Variants in CNTN5 observed in about 807,000 individuals in gnomAD.
CNTN5 encodes contactin-5.
In CNTN5, 77 loss-of-function variants were observed where a neutral mutation model predicts 129.1. The observed-to-expected ratio is 0.60, with a 90% confidence interval of 0.50 to 0.72. CNTN5 has a LOEUF of 0.72. Among genes scored for constraint, CNTN5 ranks in the 30% least tolerant of loss-of-function variants. The pLI, the probability that CNTN5 is intolerant of heterozygous loss-of-function variation, is 0.00. For missense variants in CNTN5, 1,478 were observed against 1,328.8 expected (o/e 1.11, Z -1.75); for synonymous variants, 509 against 465.6 (o/e 1.09, Z -1.20).
intron 7 of CNTN5, among the ~76,000 whole-genome samples, chr11:99,954,140 G>A (rs1247511449): frequency 1.3e-5 from 2 of 152,066 alleles, no homozygotes; most frequent in African/African-American, 2.4e-5. Flanking sequence ...GAACTTAAAG[G>A]ATAATAATAA....
chr11:100,085,056 T>C (rs1309569066), intron 13 of CNTN5, among the ~76,000 whole-genome samples: 1 of 151,838 alleles, frequency 6.6e-6, no homozygotes. Context: ...AAGAGAGGGG[T>C]GGTGGGATAT....
intron 16 of CNTN5, among the ~76,000 whole-genome samples, chr11:100,250,329 A>T (rs927695084): frequency 8.5e-5 from 13 of 152,124 alleles, no homozygotes; most frequent in African/African-American, 1.2e-4. Flanking sequence ...GTTATACAAC[A>T]TTCCACACTC....
At chr11:99,676,088 A>G (rs960394010) in intron 3 of CNTN5, among the ~76,000 whole-genome samples, 11 of 152,170 alleles carry the variant, frequency 7.2e-5, no homozygotes, top group Non-Finnish European at 1.5e-5. Flanking sequence ...ATGTAAAACT[A>G]TGAAGTGTCC....
At chr11:99,230,192 A>G (rs1171360264) in intron 1 of CNTN5, among the ~76,000 whole-genome samples, 1 of 152,030 alleles carries the variant, frequency 6.6e-6, no homozygotes, top group Non-Finnish European at 1.5e-5. Context: ...TATTTTTTAT[A>G]TAATTAGAAA....
intron 13 of CNTN5, among the ~76,000 whole-genome samples, chr11:100,153,776 T>C (rs1947141522): frequency 6.6e-6 from 1 of 152,076 alleles, no homozygotes; most frequent in Admixed American, 6.6e-5. Flanking sequence ...AGCTAACAAA[T>C]AATTTGATGA....
intron 1 of CNTN5, among the ~76,000 whole-genome samples, chr11:99,214,667 C>G (rs1263374810): frequency 6.6e-6 from 1 of 151,924 alleles, no homozygotes; most frequent in Non-Finnish European, 1.5e-5. Context: ...TGGCTCTTAA[C>G]CAATCTGGTG....
At chr11:100,182,213 A>C (rs779743484) in intron 13 of CNTN5, among the ~76,000 whole-genome samples, 1 of 152,044 alleles carries the variant, frequency 6.6e-6, no homozygotes, top group Non-Finnish European at 1.5e-5. Flanking sequence ...ACAGTGTTTT[A>C]GTTTGGGCAG....
intron 3 of CNTN5, among the ~76,000 whole-genome samples, chr11:99,642,730 A>G (rs964636614): frequency 2.0e-5 from 3 of 152,152 alleles, no homozygotes; most frequent in African/African-American, 7.2e-5. Context: ...GTACACATTG[A>G]CCAACCTTTC....
chr11:99,575,839 A>G (rs557285536), intron 3 of CNTN5, among the ~76,000 whole-genome samples: 199 of 152,304 alleles, frequency 1.3e-3, no homozygotes, highest in African/African-American at 4.5e-3. Context: ...AGCTGGGAGA[A>G]GAGCACCAGC....
At chr11:99,731,566 C>G (rs1943536192) in intron 3 of CNTN5, among the ~76,000 whole-genome samples, 1 of 152,072 alleles carries the variant, frequency 6.6e-6, no homozygotes, top group African/African-American at 2.4e-5. Flanking sequence ...GATAGCAGTG[C>G]TATATCAGAA....
intron 1 of CNTN5, among the ~76,000 whole-genome samples, chr11:99,090,566 TA>T (rs1866197928): frequency 6.6e-6 from 1 of 151,984 alleles, no homozygotes; most frequent in East Asian, 1.9e-4. Context: ...ACAAATCCCT[TA>T]TACCTGTGCA....
At position 100,349,792 on chromosome 11, in the gene CNTN5, TTGAC is replaced by T. The variant is rs142906569; in HGVS notation, c.3031-908_3031-905del. Among the ~76,000 whole-genome samples the T allele has an allele frequency of 8.7e-3, 1,318 of 152,002 alleles. 18 individuals are homozygous for T. Among genetic ancestry groups the T allele is most frequent in the African/African-American group, 0.03 (1,256 of 41,522 alleles). ...TTGACTATTATACCAAAAATTTTAC[TTGAC>T]TATTTTTGGAGGCAAGTAATAGTAC... On this transcript the variant is annotated intron_variant, in intron 23 of 24. Transcript: ENST00000524871.
chr11:99,636,323 A>G (rs1319501585), intron 3 of CNTN5, among the ~76,000 whole-genome samples: 1 of 152,216 alleles, frequency 6.6e-6, no homozygotes, highest in African/African-American at 2.4e-5. Flanking sequence ...CAAGATATTT[A>G]GACATAGTTT....
At chr11:99,770,032 C>T (rs981913482) in intron 3 of CNTN5, among the ~76,000 whole-genome samples, 1 of 152,032 alleles carries the variant, frequency 6.6e-6, no homozygotes, top group Non-Finnish European at 1.5e-5. Context: ...TACCTAAAAT[C>T]TATTTAGAAA....
chr11:99,762,737 T>G (rs1480392496), intron 3 of CNTN5, among the ~76,000 whole-genome samples: 1 of 152,188 alleles, frequency 6.6e-6, no homozygotes, highest in Non-Finnish European at 1.5e-5. Flanking sequence ...TTCTCATTTG[T>G]TTATTCAATG....
At chr11:99,729,408 G>A (rs779079033) in intron 3 of CNTN5, among the ~76,000 whole-genome samples, 2 of 152,150 alleles carry the variant, frequency 1.3e-5, no homozygotes, top group Non-Finnish European at 2.9e-5. Flanking sequence ...CATGCATTAA[G>A]CCTAGTACCC....
At position 99,844,933 on chromosome 11, in the gene CNTN5, C is replaced by A. The variant is rs200358286; in HGVS notation, c.359C>A (p.Ala120Glu). 44 of 1,613,552 alleles carry A rather than the reference C, an allele frequency of 2.7e-5. No homozygotes were observed. Among genetic ancestry groups the A allele is most frequent in the Non-Finnish European group, 3.7e-5 (44 of 1,179,734 alleles). Reference sequence around the variant, plus strand: ...ACTGATTCTGATGAAAAGAAGGTAGCATTGAATTGTGAAGTTCGTGGCAAT... The same window carrying A: ...ACTGATTCTGATGAAAAGAAGGTAGAATTGAATTGTGAAGTTCGTGGCAAT... ...FPTDSDEKKVALNCEVRGNPV... is the reference protein window; with the variant it reads ...FPTDSDEKKVELNCEVRGNPV... The change falls in exon 5 of 25, where the codon GCA becomes GAA. Residue 120 changes from alanine to glutamate, a missense_variant. Ala to Glu is a moderately radical substitution (Grantham distance 107). Coordinates refer to ENST00000524871, the MANE Select transcript of CNTN5 (RefSeq NM_014361.4).
At chr11:99,027,818 G>T (rs1054163029) in intron 1 of CNTN5, among the ~76,000 whole-genome samples, 1 of 151,516 alleles carries the variant, frequency 6.6e-6, no homozygotes, top group Non-Finnish European at 1.5e-5. Context: ...ATGTGTTTGG[G>T]GGAATGAATT....
intron 1 of CNTN5, among the ~76,000 whole-genome samples, chr11:99,064,519 C>T (rs1226466342): frequency 6.6e-6 from 1 of 152,062 alleles, no homozygotes; most frequent in African/African-American, 2.4e-5. Flanking sequence ...AATTGAATAC[C>T]AGCAAAAGAA....
Sources: allele counts gnomAD v4.1 joint callset (sites outside exome capture counted in the v4.1 genomes callset), GRCh38; gene constraint gnomAD v4.1.1; transcripts MANE v1.5; gene names NCBI Gene and HGNC (gene_info 2026-07-23, HGNC 2026-07-21).